NBAS: variants seen among roughly 807,000 people sequenced by gnomAD.
NBAS encodes NAG/BC035112 fusion.
A neutral mutation model predicts 302.5 loss-of-function variants in NBAS; 219 were observed. That is an observed-to-expected ratio of 0.72 (90% CI 0.65 to 0.81). NBAS has a LOEUF of 0.81. Among genes scored for constraint, NBAS ranks in the 30% least tolerant of loss-of-function variants. The pLI is 0.00. For missense variants in NBAS, 2,932 were observed against 2,841.6 expected (o/e 1.03, Z -0.72); for synonymous variants, 1,118 against 1,021.6 (o/e 1.09, Z -1.80).
At chr2:15,374,834 C>A in intron 30 of NBAS, 114 bp from the exon 31 acceptor site, 1 of 895,128 alleles carries the variant, frequency 1.1e-6, no homozygotes, top group South Asian at 1.4e-5. Flanking sequence ...CCCAGGAATT[C>A]ATTCCGCTGG....
chr2:14,808,562 C>T, the NBAS span, among the ~76,000 whole-genome samples: 12 of 152,180 alleles, frequency 7.9e-5, no homozygotes, highest in South Asian at 2.1e-4. Context: ...TGATGTAAGA[C>T]GTGACTTACT....
the NBAS span, among the ~76,000 whole-genome samples, chr2:15,062,222 A>G: frequency 1.2e-4 from 18 of 152,144 alleles, no homozygotes; most frequent in Non-Finnish European, 2.6e-4. Flanking sequence ...AGGCTTTACA[A>G]TCTCACCTGC....
the NBAS span, among the ~76,000 whole-genome samples, chr2:15,089,780 G>T: frequency 0.059 from 7,081 of 119,926 alleles, 209 homozygotes; most frequent in Non-Finnish European, 0.064. Flanking sequence ...ACAGAGTCTC[G>T]CTCTGTCACC....
the NBAS span, among the ~76,000 whole-genome samples, chr2:15,121,294 A>G: frequency 2.6e-5 from 4 of 152,200 alleles, no homozygotes; most frequent in African/African-American, 9.7e-5. Flanking sequence ...CTGTAGCTAC[A>G]GGCTGAGGCC....
the NBAS span, among the ~76,000 whole-genome samples, chr2:14,987,016 G>A: frequency 6.6e-6 from 1 of 151,958 alleles, no homozygotes; most frequent in Admixed American, 6.6e-5. Flanking sequence ...TGGAATTGAT[G>A]TCCTAATTAT....
At chr2:15,405,576 C>T (rs997849462) in intron 25 of NBAS, among the ~76,000 whole-genome samples, 5 of 151,934 alleles carry the variant, frequency 3.3e-5, no homozygotes, top group African/African-American at 7.3e-5. Flanking sequence ...CACCATAGGC[C>T]GCAGATCATC....
chr2:14,979,641 ACC>A, the NBAS span, among the ~76,000 whole-genome samples: 1 of 152,154 alleles, frequency 6.6e-6, no homozygotes, highest in Non-Finnish European at 1.5e-5. Flanking sequence ...TCTACATAAG[ACC>A]AAGTAACATA....
Position 15,254,161 on chromosome 2 carries a change from T to C in NBAS, c.5725-15475A>G, listed in dbSNP as rs192637935. On this transcript the variant is annotated intron_variant, in intron 44 of 51. Coordinates refer to ENST00000281513, the MANE Select transcript of NBAS (RefSeq NM_015909.4). ...TATCTATTCATGTGTTTTGCATGTC[T>C]GAGATCCATGGCTCCACCCAGACCC... Among the ~76,000 whole-genome samples, 5 of 152,248 alleles carry C rather than the reference T, an allele frequency of 3.3e-5. No homozygotes were observed. In the East Asian group the frequency reaches 9.7e-4, roughly 29 times the overall value.
chr2:15,132,596 G>A, the NBAS span, among the ~76,000 whole-genome samples: 1 of 152,172 alleles, frequency 6.6e-6, no homozygotes, highest in African/African-American at 2.4e-5. Flanking sequence ...ATAATAATGT[G>A]TCGATATAGG....
At chr2:15,271,044 G>C (rs990990244) in intron 44 of NBAS, among the ~76,000 whole-genome samples, 1 of 152,150 alleles carries the variant, frequency 6.6e-6, no homozygotes, top group African/African-American at 2.4e-5. Context: ...GCAACCTTTT[G>C]ATCAAGACTT....
intron 42 of NBAS, among the ~76,000 whole-genome samples, chr2:15,282,087 C>T (rs1286829582): frequency 6.6e-6 from 1 of 152,170 alleles, no homozygotes; most frequent in African/African-American, 2.4e-5. Flanking sequence ...TGAATATGGA[C>T]ATTCAACATT....
chr2:15,488,967 T>C lies in NBAS; in HGVS notation c.1010A>G (p.His337Arg). 6.2e-7 allele frequency: 1 copy of C among 1,613,912 alleles called. No homozygotes were observed. The highest frequency in any genetic ancestry group is 8.5e-7 in the Non-Finnish European group (1 of 1,179,844). The stretch of plus-strand genomic sequence containing the variant: ...CCAGATGCTCAGTTTCCCTGAGAAG[T>C]GAATGGCTGCCAGGAGCATCCCATC... The part of the protein sequence containing the change: ...SPDGMLLAAI[H>R]FSGKLSIWAI... Residue 337 changes from histidine to arginine, a missense_variant, in exon 12 of 52, where the codon CAC becomes CGC. By Grantham distance (29) the His-to-Arg change is conservative (BLOSUM62 0). Transcript: ENST00000281513.
intron 50 of NBAS, among the ~76,000 whole-genome samples, chr2:15,183,640 G>C (rs1664932910): frequency 6.6e-6 from 1 of 152,160 alleles, no homozygotes; most frequent in Non-Finnish European, 1.5e-5. Context: ...AGAGAGTTTG[G>C]GGCTTTTCTC....
chr2:15,100,401 C>G, the NBAS span, among the ~76,000 whole-genome samples: 1 of 152,068 alleles, frequency 6.6e-6, no homozygotes, highest in Non-Finnish European at 1.5e-5. Context: ...GCTGTCATGG[C>G]AAAGAAACAT....
the NBAS span, among the ~76,000 whole-genome samples, chr2:15,160,839 C>G: frequency 6.6e-6 from 1 of 152,314 alleles, no homozygotes; most frequent in African/African-American, 2.4e-5. Context: ...AAGTCTTTTT[C>G]TAAACAGGAA....
chr2:15,144,053 A>ATATATATATATATATTATCC, the NBAS span, among the ~76,000 whole-genome samples: 1 of 139,724 alleles, frequency 7.2e-6, no homozygotes, highest in African/African-American at 2.7e-5. Context: ...ATAAAAATAT[A>ATATATATATATATATTATCC]TATATATATA....
At chr2:15,160,160 G>C in the NBAS span, among the ~76,000 whole-genome samples, 1 of 152,142 alleles carries the variant, frequency 6.6e-6, no homozygotes, top group Non-Finnish European at 1.5e-5. Flanking sequence ...GCTTTAAAAA[G>C]ATGGCTCTGG....
chr2:15,467,853 G>T, intron 17 of NBAS, 49 bp from the exon 18 acceptor site: 1 of 1,429,942 alleles, frequency 7.0e-7, no homozygotes, highest in Non-Finnish European at 9.7e-7. Context: ...TAAAAACTTC[G>T]TGTTGTGAAA....
chr2:15,138,518 T>G, the NBAS span, among the ~76,000 whole-genome samples: 1,334 of 152,118 alleles, frequency 8.8e-3, 21 homozygotes, highest in African/African-American at 0.031. Context: ...CCACATACAA[T>G]CCTTTTATCC....
Sources: gnomAD v4.1 joint callset for allele counts (sites outside exome capture counted in the v4.1 genomes callset) on GRCh38, gnomAD v4.1.1 for gene constraint, MANE v1.5 for transcripts, NCBI Gene and HGNC (gene_info 2026-07-23, HGNC 2026-07-21) for gene names.